Variants in SHF observed in about 807,000 individuals in gnomAD.
SHF encodes the protein Src homology 2 domain containing F.
In SHF, 30 loss-of-function variants were observed where a neutral mutation model predicts 42.4. The observed-to-expected ratio is 0.71, with a 90% CI of 0.53 to 0.96. The LOEUF is 0.96. Ranked by LOEUF, SHF falls within the 40% of genes least tolerant of loss-of-function variation. SHF has a pLI of 0.00. For synonymous variants in SHF, 264 were observed against 269.9 expected, an observed-to-expected ratio of 0.98 and a Z score of 0.21; for missense variants, 598 against 634.0, an observed-to-expected ratio of 0.94 and a Z score of 0.61.
At chr15:45,175,506 C>T (rs892492569) in intron 2 of SHF, 81 bp from the exon 3 acceptor site, 2 of 1,401,828 alleles carry the variant, frequency 1.4e-6, no homozygotes, top group Admixed American at 2.1e-5. Flanking sequence ...TTCTCAGCAA[C>T]AAGCCAGGCC....
At chr15:45,200,013 C>T (rs979264069) in intron 1 of SHF, 1 of 142,954 alleles carries the variant, frequency 7.0e-6, no homozygotes, top group Non-Finnish European at 1.5e-5. Flanking sequence ...CTTTTCAAGA[C>T]TCCCTTCAAG....
chr15:45,178,054 T>G, intron 2 of SHF, 111 bp downstream of exon 2: 1 of 1,404,132 alleles, frequency 7.1e-7, no homozygotes, highest in South Asian at 1.4e-5. Context: ...GGAAAAGACT[T>G]TCTCCATATT....
chr15:45,191,172 C>G (rs549015665), upstream of SHF, among the ~76,000 whole-genome samples: 1 of 152,278 alleles, frequency 6.6e-6, no homozygotes, highest in South Asian at 2.1e-4. Flanking sequence ...TCAAACGATT[C>G]TCCTACCTCA....
chr15:45,175,326 G>T lies in SHF; in HGVS notation c.740C>A (p.Ala247Asp), dbSNP rs1567031856. 1 of 1,605,404 alleles carries T rather than the reference G, an allele frequency of 6.2e-7. No homozygotes were observed. Among genetic ancestry groups the T allele is most frequent in the East Asian group, 2.2e-5 (1 of 44,568 alleles). The change falls in exon 3 of 7, where the codon GCC becomes GAC. Residue 247 changes from alanine (A) to aspartate (D), a missense_variant. Around this residue, in one of 2 missense-constraint regions of SHF, gnomAD observed 439 missense variants for 524.6 expected, o/e 0.84. Transcript: ENST00000690270. ...EDGATAEGEGAPWPRESRLPE... is the reference protein window; with the variant it reads ...EDGATAEGEGDPWPRESRLPE... ...CAGGCGGGACTCCCGGGGCCAGGGG[G>T]CCCCCTCACCTTCCGCGGTGGCCCC...
intron 5 of SHF, 61 bp from the exon 6 acceptor site, chr15:45,172,063 C>T: frequency 6.2e-7 from 1 of 1,613,852 alleles, no homozygotes. Context: ...CCAGGCCCAC[C>T]CATTGTGGGT....
chr15:45,185,283 G>A (rs751478858), intron 1 of SHF, among the ~76,000 whole-genome samples: 43 of 152,340 alleles, frequency 2.8e-4, no homozygotes, highest in Middle Eastern at 3.4e-3. Context: ...GGGAGAAAGC[G>A]GCCACATAGT....
At chr15:45,191,749 A>G (rs1176143520), upstream of SHF, among the ~76,000 whole-genome samples, 2 of 151,880 alleles carry the variant, frequency 1.3e-5, no homozygotes, top group African/African-American at 4.8e-5. Flanking sequence ...TTTTCTTCCA[A>G]ATTTTTTTTG....
chr15:45,196,208 C>T (rs189061877), intron 2 of SHF, among the ~76,000 whole-genome samples: 56 of 151,952 alleles, frequency 3.7e-4, no homozygotes, highest in Admixed American at 7.2e-4. Context: ...AGCAATTCTC[C>T]TGCCTCAATC....
chr15:45,187,735 CG>C lies in SHF; in HGVS notation c.216del (p.Glu73SerfsTer95). 19 of 970,346 alleles carry C rather than the reference CG, an allele frequency of 2.0e-5. No individual in the cohort carries two copies. The highest frequency in any genetic ancestry group is 5.1e-5 in the South Asian group (1 of 19,466). The allele number at this position is 970,346 out of a possible 1,614,324, so 60.1% of individuals were successfully genotyped here. A position where few individuals can be genotyped will look rare whatever the true frequency, so the allele number is the denominator to read the frequency against. On this transcript the variant is annotated frameshift_variant, in exon 1 of 7. Coordinates refer to ENST00000690270, the MANE Select transcript of SHF (RefSeq NM_001394037.1). LOFTEE classifies it high-confidence loss of function. ...GGCGCAGGGGGGCGGTAGTCGGGCT[CG>C]GGGGGCGCCGGCTTGCTGCCCCCTC... ...GGGGGSKPAPPEPDYRPPAPS... is the reference protein window; with the variant it reads ...GGGGGSKPAPXEPDYRPPAPS...
chr15:45,198,587 C>T (rs1333922439), intron 2 of SHF: 9 of 607,318 alleles, frequency 1.5e-5, no homozygotes, highest in East Asian at 1.5e-4. Context: ...AGCCCCTTGC[C>T]GTGCCATTGT....
At chr15:45,170,632 C>A in intron 6 of SHF, 10 of 268,820 alleles carry the variant, frequency 3.7e-5, no homozygotes, top group Non-Finnish European at 7.1e-5. Context: ...GGCACTTTTT[C>A]TATTATCTTT....
chr15:45,190,723 AG>A (rs1466379098), upstream of SHF, among the ~76,000 whole-genome samples: 12 of 152,152 alleles, frequency 7.9e-5, no homozygotes, highest in Non-Finnish European at 5.9e-5. Flanking sequence ...AGCTGGACAA[AG>A]GCATAGAGGT....
At chr15:45,183,657 A>AG (rs1898237071) in intron 1 of SHF, among the ~76,000 whole-genome samples, 1 of 152,236 alleles carries the variant, frequency 6.6e-6, no homozygotes, top group Non-Finnish European at 1.5e-5. Context: ...CCTAGCCAGT[A>AG]GCTCCCACCC....
chr15:45,180,634 G>A (rs962990041), intron 1 of SHF, among the ~76,000 whole-genome samples: 2 of 152,116 alleles, frequency 1.3e-5, no homozygotes, highest in African/African-American at 4.8e-5. Context: ...CTTTCCCTCT[G>A]CCTGGATCAC....
Position 45,178,192 on chromosome 15 carries a change from G to C in SHF, c.613C>G (p.Pro205Ala), listed in dbSNP as rs759565901. 9.9e-6 allele frequency: 16 copies of C among 1,613,402 alleles called. No individual in the cohort carries two copies. The highest frequency in any genetic ancestry group is 1.4e-5 in the Non-Finnish European group (16 of 1,179,886). Residue 205 changes from proline to alanine, a missense_variant, in exon 2 of 7, where the codon CCC (proline) becomes GCC (alanine). Transcript: ENST00000690270. The stretch of plus-strand genomic sequence containing the variant: ...GCCATCATCTTTTGAGCCTCATAGG[G>C]CTCCATGTAGCCATCATTTTCAGGG... ...KVPENDGYME[P>A]YEAQKMMAEI...
intron 2 of SHF, chr15:45,198,698 G>A (rs1432842745): frequency 2.4e-5 from 36 of 1,526,708 alleles, no homozygotes; most frequent in African/African-American, 1.4e-4. Flanking sequence ...GGACCCGTAG[G>A]GGTTGGCTTC....
intron 1 of SHF, among the ~76,000 whole-genome samples, chr15:45,185,471 G>A (rs1285517860): frequency 6.6e-6 from 1 of 152,198 alleles, no homozygotes; most frequent in African/African-American, 2.4e-5. Context: ...TAAATGGTGG[G>A]AGGCCCCAGG....
chr15:45,175,471 C>G (rs1316623393), intron 2 of SHF, 46 bp from the exon 3 acceptor site: 4 of 1,542,288 alleles, frequency 2.6e-6, no homozygotes, highest in Non-Finnish European at 3.5e-6. Context: ...TCAGCCTTGG[C>G]TTTCTGGCTC....
chr15:45,174,642 C>G (rs1044104688), intron 3 of SHF, among the ~76,000 whole-genome samples: 1 of 152,216 alleles, frequency 6.6e-6, no homozygotes, highest in African/African-American at 2.4e-5. Flanking sequence ...CCTCAGACCA[C>G]TAACATGAAC....
Sources: allele counts gnomAD v4.1 joint callset (sites outside exome capture counted in the v4.1 genomes callset), GRCh38; gene constraint gnomAD v4.1.1; regional missense constraint gnomAD v4.1.1; transcripts MANE v1.5; gene names NCBI Gene and HGNC (gene_info 2026-07-23, HGNC 2026-07-21).